The following SRGAP3 variants were observed in gnomAD, a reference collection of about 807,000 sequenced individuals.
The protein encoded by SRGAP3 is SLIT-ROBO Rho GTPase-activating protein 3.
Under a neutral mutation model 121.1 loss-of-function variants are expected in SRGAP3, and 39 were observed. That is an observed-to-expected ratio of 0.32 (90% CI 0.25 to 0.42). The LOEUF is 0.42. SRGAP3 is among the 10% of genes least tolerant of loss of function. The pLI is 1.00. For synonymous variants in SRGAP3, 601 were observed against 570.0 expected (o/e 1.05, Z -0.77); for missense variants, 1,213 against 1,470.6 (o/e 0.82, Z 2.86).
chr3:9,164,277 T>TTTATTTA (rs1560311559), intron 1 of SRGAP3, among the ~76,000 whole-genome samples: 1 of 52,746 alleles, frequency 1.9e-5, no homozygotes, highest in African/African-American at 4.1e-5. Flanking sequence ...CCCAGACTAT[T>TTTATTTA]TTATTTATTT....
chr3:9,064,270 C>G lies in SRGAP3; in HGVS notation c.672+126G>C, dbSNP rs920047382. ...ATGCTGGCTACATTGTCCCATCCCC[C>G]CTACCCACCACCACCCCACTGGGAT... On this transcript the variant is annotated intron_variant, in intron 5 of 21. Transcript: ENST00000383836. The G allele has an allele frequency of 7.5e-5, 99 of 1,316,940 alleles. No individual in the cohort carries two copies. The East Asian group carries it at 2.3e-3, about 31-fold the overall frequency. The allele number at this position is 1,316,940 out of a possible 1,614,324, so 81.6% of individuals were successfully genotyped here. A position where few individuals can be genotyped will look rare whatever the true frequency, so the allele number is the denominator to read the frequency against.
intron 1 of SRGAP3, among the ~76,000 whole-genome samples, chr3:9,198,777 A>G (rs1313757860): frequency 6.6e-6 from 1 of 152,206 alleles, no homozygotes; most frequent in East Asian, 1.9e-4. Flanking sequence ...AAACGGGGCT[A>G]GGACTGTCCT....
At chr3:9,286,799 T>A (rs1954783165) in intron 3 of SRGAP3, among the ~76,000 whole-genome samples, 1 of 151,462 alleles carries the variant, frequency 6.6e-6, no homozygotes, top group African/African-American at 2.4e-5. Context: ...AGACGGGGTC[T>A]CACTGTGTTA....
chr3:9,003,369 C>T (rs1942872228), intron 18 of SRGAP3, among the ~76,000 whole-genome samples: 1 of 152,070 alleles, frequency 6.6e-6, no homozygotes, highest in Non-Finnish European at 1.5e-5. Flanking sequence ...ATATCAGTTA[C>T]TCTGGAGGCT....
intron 1 of SRGAP3, among the ~76,000 whole-genome samples, chr3:9,353,757 T>C (rs908245744): frequency 5.3e-5 from 8 of 152,232 alleles, no homozygotes; most frequent in African/African-American, 1.9e-4. Flanking sequence ...ATTATATTAA[T>C]AGATACATCT....
At chr3:9,029,704 C>T (rs1294316757) in intron 12 of SRGAP3, among the ~76,000 whole-genome samples, 2 of 152,172 alleles carry the variant, frequency 1.3e-5, no homozygotes, top group African/African-American at 4.8e-5. Flanking sequence ...CATTATACTG[C>T]CTTTTCATTC....
chr3:9,094,805 G>A (rs111645122), intron 3 of SRGAP3, among the ~76,000 whole-genome samples: 50 of 152,092 alleles, frequency 3.3e-4, no homozygotes, highest in Non-Finnish European at 6.5e-4. Context: ...GCCCAGGCTG[G>A]AGTGCAGTAG....
At chr3:8,992,529 T>C (rs561616536) in intron 20 of SRGAP3, 8 of 395,656 alleles carry the variant, frequency 2.0e-5, no homozygotes, top group Non-Finnish European at 3.8e-5. Context: ...AGGGAATATG[T>C]GAGCTTTACA....
intron 18 of SRGAP3, among the ~76,000 whole-genome samples, chr3:9,000,536 A>C (rs1338161293): frequency 6.6e-6 from 1 of 152,236 alleles, no homozygotes; most frequent in African/African-American, 2.4e-5. Flanking sequence ...CTTCAGTTGC[A>C]ACAGAGCTTG....
At position 9,325,498 on chromosome 3, in the gene SRGAP3, T is replaced by C. The variant is rs73126624; in HGVS notation, n.442+512A>G. ...ATTTAGCATAACTTTCACATAAGAA[T>C]TTAAAGTCTGTTATGTATGATGGCC... is the stretch of plus-strand genomic sequence containing the variant. On this transcript the variant is annotated intron_variant and non_coding_transcript_variant, in intron 3 of 3. Coordinates refer to the SRGAP3 transcript ENST00000490889. Among the ~76,000 whole-genome samples the C allele has an allele frequency of 6.2e-3, 946 of 152,072 alleles. 9 individuals carry two copies. The highest frequency in any genetic ancestry group is 0.022 in the African/African-American group (908 of 41,570).
At chr3:9,356,067 C>A (rs2030482361) in intron 1 of SRGAP3, among the ~76,000 whole-genome samples, 1 of 152,116 alleles carries the variant, frequency 6.6e-6, no homozygotes, top group Non-Finnish European at 1.5e-5. Flanking sequence ...TCCAATGGGG[C>A]TTAAGTTTCA....
intron 3 of SRGAP3, among the ~76,000 whole-genome samples, chr3:9,081,515 T>C (rs867291437): frequency 2.6e-5 from 4 of 152,218 alleles, no homozygotes; most frequent in African/African-American, 9.6e-5. Context: ...CTAGATGCTA[T>C]GCTAAAAAGG....
intron 1 of SRGAP3, among the ~76,000 whole-genome samples, chr3:9,352,793 C>T (rs543933844): frequency 1.8e-4 from 27 of 152,348 alleles, no homozygotes; most frequent in Middle Eastern, 6.8e-3. Flanking sequence ...GCCTCAATTT[C>T]ATCACCTGTA....
chr3:9,297,040 G>A (rs1030874180), intron 3 of SRGAP3, among the ~76,000 whole-genome samples: 5 of 151,982 alleles, frequency 3.3e-5, no homozygotes, highest in South Asian at 4.2e-4. Context: ...GTGCACCACC[G>A]CACCCAGCTA....
intron 1 of SRGAP3, among the ~76,000 whole-genome samples, chr3:9,177,997 G>C (rs1379609826): frequency 6.6e-6 from 1 of 152,314 alleles, no homozygotes; most frequent in African/African-American, 2.4e-5. Flanking sequence ...GCTGGGCGTG[G>C]TGGCTCACAC....
At chr3:9,204,858 G>A (rs1313596243) in intron 1 of SRGAP3, among the ~76,000 whole-genome samples, 7 of 152,342 alleles carry the variant, frequency 4.6e-5, no homozygotes, top group East Asian at 1.9e-4. Context: ...CCAGCAGAGC[G>A]GTGACGCTGA....
At chr3:9,040,797 T>C (rs1944976401) in intron 10 of SRGAP3, among the ~76,000 whole-genome samples, 2 of 152,170 alleles carry the variant, frequency 1.3e-5, no homozygotes, top group African/African-American at 2.4e-5. Flanking sequence ...AAGCACACAC[T>C]TGTCTCTTTA....
chr3:9,058,059 CG>C (rs1232659975), intron 7 of SRGAP3, among the ~76,000 whole-genome samples, 191 bp downstream of exon 7: 1 of 152,122 alleles, frequency 6.6e-6, no homozygotes, highest in East Asian at 1.9e-4. Flanking sequence ...TAATTCTGCA[CG>C]GGGGGCACCT....
intron 1 of SRGAP3, among the ~76,000 whole-genome samples, chr3:9,332,670 A>C (rs1179405962): frequency 3.9e-5 from 6 of 152,242 alleles, no homozygotes; most frequent in African/African-American, 7.2e-5. Context: ...GTGTGCTGAA[A>C]CCAATTAATT....
Sources: allele counts gnomAD v4.1 joint callset (sites outside exome capture counted in the v4.1 genomes callset), GRCh38; gene constraint gnomAD v4.1.1; transcripts MANE v1.5; gene names NCBI Gene and HGNC (gene_info 2026-07-23, HGNC 2026-07-21).